CCDC83: variants seen among roughly 807,000 people sequenced by gnomAD.
CCDC83 encodes coiled-coil domain-containing protein 83.
A neutral mutation model predicts 50.1 loss-of-function variants in CCDC83; 54 were observed. The ratio of observed to expected loss-of-function variants is 1.08; its 90% CI spans 0.87 to 1.35. CCDC83 has a LOEUF of 1.35. Among genes scored for constraint, CCDC83 ranks in the 40% most tolerant of loss-of-function variants. The pLI is 0.00. For missense variants in CCDC83, 518 were observed against 473.9 expected (o/e 1.09, Z -0.86); for synonymous variants, 161 against 153.3 (o/e 1.05, Z -0.37).
chr11:85,911,398 C>A lies in CCDC83; in HGVS notation c.790C>A (p.Pro264Thr). The change falls in exon 8 of 11, where the codon CCC (proline) becomes ACC (threonine). Residue 264 changes from proline to threonine, a missense_variant. By Grantham distance (38) the Pro-to-Thr change is conservative. Transcript: ENST00000342404. The part of the protein sequence containing the change: ...SNCRLVDLKI[P>T]RRLYLTQAAG... ...CTGTAGACTTGTGGATCTCAAGATA[C>A]CCAGGTGAAAATTGTTAATATATAG... The A allele has an allele frequency of 6.3e-7, 1 of 1,586,924 alleles. No individual in the cohort carries two copies. Among genetic ancestry groups the A allele is most frequent in the Admixed American group, 1.8e-5 (1 of 54,612 alleles).
chr11:85,862,847 C>G (rs1295792208), intron 1 of CCDC83, among the ~76,000 whole-genome samples: 3 of 152,184 alleles, frequency 2.0e-5, no homozygotes, highest in Non-Finnish European at 1.5e-5. Context: ...ATTAAGCAGA[C>G]AGTCCAATTG....
In CCDC83 at chr11:85,884,971, GA is replaced by G. The variant is rs537389830; in HGVS notation, c.344-1228del. Among the ~76,000 whole-genome samples the G allele has an allele frequency of 1.2e-3, 181 of 152,308 alleles. 2 individuals are homozygous for G. Among genetic ancestry groups the G allele is most frequent in the African/African-American group, 4.1e-3 (170 of 41,568 alleles). ...CATACCTGTAATCCTAGCACTTTGGGATGCCAAGGCGGGCAGATTGCCTGAG... is the reference window on the plus strand; with the variant it reads ...CATACCTGTAATCCTAGCACTTTGGGTGCCAAGGCGGGCAGATTGCCTGAG... On this transcript the variant is annotated intron_variant, in intron 4 of 10. Coordinates refer to ENST00000342404, the MANE Select transcript of CCDC83 (RefSeq NM_001286159.2).
At chr11:85,899,898 A>G (rs2093393026) in intron 7 of CCDC83, among the ~76,000 whole-genome samples, 1 of 152,152 alleles carries the variant, frequency 6.6e-6, no homozygotes, top group Non-Finnish European at 1.5e-5. Context: ...ACCTCTCCTG[A>G]GGGCTCGCTG....
rs777428015 is a variant in CCDC83, at chr11:85,865,116, C to G, written c.-8C>G. On this transcript the variant is annotated 5_prime_UTR_variant, in exon 2 of 11. Transcript: ENST00000342404. ...AACAGGTATATTTCTTCATAGCTAACCAGCACAATGGAAAACTCAGGGAAA... is the reference window on the plus strand; with the variant it reads ...AACAGGTATATTTCTTCATAGCTAAGCAGCACAATGGAAAACTCAGGGAAA... 1 of 1,591,912 alleles carries G rather than the reference C, an allele frequency of 6.3e-7. No homozygotes were observed. The highest frequency in any genetic ancestry group is 8.6e-7 in the Non-Finnish European group (1 of 1,160,664).
intron 7 of CCDC83, among the ~76,000 whole-genome samples, chr11:85,899,542 C>T (rs1172005568): frequency 2.0e-5 from 3 of 152,200 alleles, no homozygotes; most frequent in Non-Finnish European, 2.9e-5. Flanking sequence ...CACCCTCAGG[C>T]TTGGACTTTG....
rs116607665 is a variant in CCDC83 at position 85,855,797 on chromosome 11, G to C, written c.-29+213G>C. Among the ~76,000 whole-genome samples the C allele has an allele frequency of 9.9e-3, 1,501 of 152,268 alleles. 34 individuals carry two copies. Among genetic ancestry groups the C allele is most frequent in the African/African-American group, 0.034 (1,423 of 41,550 alleles). ...GCCTAGGTTATACAACTCTGTGCAG[G>C]AGCTGGGACTAAGCTCGGTCTTGCT... On this transcript the variant is annotated intron_variant, in intron 1 of 10. Transcript: ENST00000342404.
chr11:85,874,151 A>G (rs2093256060), intron 3 of CCDC83, among the ~76,000 whole-genome samples: 1 of 152,196 alleles, frequency 6.6e-6, no homozygotes, highest in Admixed American at 6.5e-5. Flanking sequence ...TTATTTGTTC[A>G]TTCAGTACAT....
chr11:85,884,563 T>C (rs1488981635), intron 4 of CCDC83, among the ~76,000 whole-genome samples: 1 of 152,196 alleles, frequency 6.6e-6, no homozygotes, highest in African/African-American at 2.4e-5. Flanking sequence ...ATAAAGGGGA[T>C]GTTAGTCTTT....
At chr11:85,908,805 C>T (rs1416146545) in intron 7 of CCDC83, among the ~76,000 whole-genome samples, 2 of 151,830 alleles carry the variant, frequency 1.3e-5, no homozygotes, top group Non-Finnish European at 2.9e-5. Flanking sequence ...TTTCGCTACT[C>T]AGGAGGCTGA....
chr11:85,917,162 G>GAAAGAA lies in CCDC83; in HGVS notation c.1080+930_1080+931insAAGAAA, dbSNP rs1474775065. ...AGAGAGAGAGAGAGAGAGAGAGAGA[G>GAAAGAA]AGAGAGAAAGAAAGAAAGAAAGAAA... is the stretch of plus-strand genomic sequence containing the variant. On this transcript the variant is annotated intron_variant, in intron 10 of 10. Transcript: ENST00000342404. Among the ~76,000 whole-genome samples the GAAAGAA allele has an allele frequency of 6.4e-3, 421 of 65,568 alleles. 1 individual carries two copies. The highest frequency in any genetic ancestry group is 0.016 in the Middle Eastern group (2 of 128). 43.0% of individuals were successfully genotyped at this position (65,568 alleles called of 152,430 possible).
At chr11:85,884,581 A>T (rs377016329) in intron 4 of CCDC83, among the ~76,000 whole-genome samples, 2 of 152,326 alleles carry the variant, frequency 1.3e-5, no homozygotes, top group East Asian at 3.9e-4. Context: ...TTTTCACATC[A>T]CTTAACACAG....
intron 2 of CCDC83, among the ~76,000 whole-genome samples, chr11:85,868,024 G>A (rs1271817810): frequency 6.8e-6 from 1 of 147,644 alleles, no homozygotes; most frequent in African/African-American, 2.4e-5. Context: ...TTGTCCAGGA[G>A]TTCCCTGGCG....
chr11:85,868,461 G>A (rs933933173), intron 2 of CCDC83, among the ~76,000 whole-genome samples: 12 of 152,022 alleles, frequency 7.9e-5, no homozygotes, highest in African/African-American at 2.9e-4. Flanking sequence ...TACAACCCCC[G>A]CCTCCTGGAT....
In CCDC83 at chr11:85,899,015, G is replaced by A. The variant is rs138869436; in HGVS notation, c.672G>A (p.Glu224=). The A allele has an allele frequency of 8.7e-6, 14 of 1,603,632 alleles. No individual in the cohort carries two copies. The highest frequency in any genetic ancestry group is 1.2e-5 in the Non-Finnish European group (14 of 1,171,670). Residue 224 remains glutamate (E), a splice_region_variant and synonymous_variant, in exon 7 of 11, where the codon GAG becomes GAA. Transcript: ENST00000342404. ...GGGAGAATGACTGGCTCAAAAAAGAGGTAAGTGGAATTTATCAAAACAAAC... is the reference window on the plus strand; with the variant it reads ...GGGAGAATGACTGGCTCAAAAAAGAAGTAAGTGGAATTTATCAAAACAAAC... ...EIWENDWLKK[E]VAIHRKEVEE... is the part of the protein sequence containing the mutation.
chr11:85,883,435 A>T (rs1218541214), intron 4 of CCDC83, among the ~76,000 whole-genome samples: 2 of 152,070 alleles, frequency 1.3e-5, no homozygotes. Context: ...CATTAGATGG[A>T]GGAAATAGGG....
At chr11:85,881,616 A>T (rs1159438150) in intron 3 of CCDC83, among the ~76,000 whole-genome samples, 1 of 152,030 alleles carries the variant, frequency 6.6e-6, no homozygotes, top group African/African-American at 2.4e-5. Context: ...ACAGGGTATC[A>T]CTATGTTGTC....
intron 2 of CCDC83, among the ~76,000 whole-genome samples, chr11:85,867,564 C>G (rs888429302): frequency 6.6e-6 from 1 of 152,162 alleles, no homozygotes; most frequent in Non-Finnish European, 1.5e-5. Context: ...TAACTAATAA[C>G]TAGATACTAT....
chr11:85,897,109 G>A (rs989603040), intron 6 of CCDC83, among the ~76,000 whole-genome samples: 12 of 152,114 alleles, frequency 7.9e-5, no homozygotes, highest in African/African-American at 2.9e-4. Flanking sequence ...TTAAGTAATC[G>A]GACCATAGTT....
At chr11:85,898,087 G>A (rs2093383484) in intron 6 of CCDC83, among the ~76,000 whole-genome samples, 1 of 151,330 alleles carries the variant, frequency 6.6e-6, no homozygotes, top group South Asian at 2.1e-4. Flanking sequence ...GAACCCAGGA[G>A]CAGAGGTTGC....
Sources: gnomAD v4.1 joint callset for allele counts (sites outside exome capture counted in the v4.1 genomes callset) on GRCh38, gnomAD v4.1.1 for gene constraint, MANE v1.5 for transcripts, NCBI Gene and HGNC (gene_info 2026-07-23, HGNC 2026-07-21) for gene names.